The following LRP1B variants were observed in gnomAD, a reference collection of about 807,000 sequenced individuals.
The protein encoded by LRP1B is LDL receptor related protein 1B.
Under a neutral mutation model 556.6 loss-of-function variants are expected in LRP1B, and 217 were observed. That is an observed-to-expected ratio of 0.39 (90% confidence interval 0.35 to 0.44). The LOEUF is 0.44. LRP1B is among the 20% of genes least tolerant of loss of function. LRP1B has a pLI of 1.00. For missense variants in LRP1B, 5,053 were observed against 5,620.8 expected, an observed-to-expected ratio of 0.90 and a Z score of 3.23; for synonymous variants, 2,047 against 1,865.8, an observed-to-expected ratio of 1.10 and a Z score of -2.50.
At chr2:141,465,403 C>T (rs4456644) in intron 3 of LRP1B, among the ~76,000 whole-genome samples, 49,923 of 152,006 alleles carry the variant, frequency 0.33, 8,900 homozygotes, top group Non-Finnish European at 0.4. Context: ...ATGGCTACAT[C>T]AGTATCTTCT....
At chr2:141,911,089 C>G (rs1199810428) in intron 1 of LRP1B, among the ~76,000 whole-genome samples, 3 of 151,894 alleles carry the variant, frequency 2.0e-5, no homozygotes, top group Non-Finnish European at 4.4e-5. Flanking sequence ...ACTCAAAATA[C>G]AGTTTTAAGG....
chr2:140,340,724 A>C (rs2105095539), intron 77 of LRP1B, among the ~76,000 whole-genome samples: 1 of 151,560 alleles, frequency 6.6e-6, no homozygotes, highest in Middle Eastern at 3.4e-3. Context: ...ACATATCCAA[A>C]GTTTTGTTTT....
intron 12 of LRP1B, among the ~76,000 whole-genome samples, chr2:141,018,177 CT>C (rs1163968066): frequency 6.6e-6 from 1 of 152,126 alleles, no homozygotes; most frequent in African/African-American, 2.4e-5. Context: ...ATCTGGCCTT[CT>C]GCTAATATAG....
chr2:140,303,632 C>A (rs1683935940), intron 83 of LRP1B, among the ~76,000 whole-genome samples: 1 of 152,014 alleles, frequency 6.6e-6, no homozygotes, highest in South Asian at 2.1e-4. Flanking sequence ...AATCACTAAT[C>A]TTCTATAAAA....
intron 66 of LRP1B, among the ~76,000 whole-genome samples, chr2:140,418,810 T>C (rs1685308954): frequency 1.3e-5 from 2 of 152,216 alleles, no homozygotes; most frequent in Non-Finnish European, 2.9e-5. Flanking sequence ...TAATGTGGCT[T>C]GAATCATCCC....
chr2:142,095,697 A>C (rs1199951031), intron 1 of LRP1B, among the ~76,000 whole-genome samples: 1 of 151,746 alleles, frequency 6.6e-6, no homozygotes, highest in Non-Finnish European at 1.5e-5. Context: ...ACCTTTTTCA[A>C]CATGTATTTT....
chr2:140,795,565 C>T (rs950007904), intron 32 of LRP1B, among the ~76,000 whole-genome samples: 15 of 151,984 alleles, frequency 9.9e-5, no homozygotes, highest in East Asian at 3.8e-4. Context: ...TATCAGATAA[C>T]GCTGATACTG....
At chr2:141,623,905 C>T (rs536280550) in intron 2 of LRP1B, among the ~76,000 whole-genome samples, 1 of 150,690 alleles carries the variant, frequency 6.6e-6, no homozygotes, top group Non-Finnish European at 1.5e-5. Context: ...ATCCCAGCTA[C>T]TCGGGAGGCT....
intron 23 of LRP1B, among the ~76,000 whole-genome samples, chr2:140,887,077 A>T (rs936516349): frequency 6.6e-6 from 1 of 152,196 alleles, no homozygotes; most frequent in African/African-American, 2.4e-5. Context: ...TGTGAGACAT[A>T]CTGATGTATA....
intron 2 of LRP1B, among the ~76,000 whole-genome samples, chr2:141,572,480 C>T (rs1009621928): frequency 1.3e-5 from 2 of 152,010 alleles, no homozygotes; most frequent in Non-Finnish European, 2.9e-5. Flanking sequence ...AAAAACACAC[C>T]AAAATATAAA....
chr2:141,112,086 T>TAAATA (rs1218241433), intron 7 of LRP1B, among the ~76,000 whole-genome samples: 5 of 150,750 alleles, frequency 3.3e-5, no homozygotes, highest in Non-Finnish European at 5.9e-5. Flanking sequence ...AATAAATAAA[T>TAAATA]AAATAAATAA....
chr2:141,264,955 A>G (rs919510858), intron 3 of LRP1B, among the ~76,000 whole-genome samples: 14 of 152,148 alleles, frequency 9.2e-5, no homozygotes, highest in African/African-American at 3.1e-4. Context: ...GGAGCCCCAG[A>G]TATCACTGGA....
chr2:141,494,449 T>A (rs1049095811), intron 2 of LRP1B, among the ~76,000 whole-genome samples: 2 of 151,950 alleles, frequency 1.3e-5, no homozygotes, highest in Non-Finnish European at 2.9e-5. Flanking sequence ...AGCCAGATTA[T>A]CCCTAGGAAA....
At chr2:141,954,060 G>T (rs1330073073) in intron 1 of LRP1B, among the ~76,000 whole-genome samples, 1 of 151,910 alleles carries the variant, frequency 6.6e-6, no homozygotes, top group Non-Finnish European at 1.5e-5. Context: ...CTCTCTCTCG[G>T]CACAAGCAAT....
chr2:141,464,372 T>A (rs1682077139), intron 3 of LRP1B, among the ~76,000 whole-genome samples: 1 of 151,846 alleles, frequency 6.6e-6, no homozygotes, highest in African/African-American at 2.4e-5. Context: ...TTGGAATGTG[T>A]ATTGGATATA....
At chr2:142,100,983 G>T (rs748841646) in intron 1 of LRP1B, among the ~76,000 whole-genome samples, 33 of 151,886 alleles carry the variant, frequency 2.2e-4, no homozygotes, top group Admixed American at 7.2e-4. Flanking sequence ...GGAAAGAGGA[G>T]TTCTCAATCA....
At chr2:141,005,166 AT>A (rs1697534849) in intron 15 of LRP1B, among the ~76,000 whole-genome samples, 168 bp downstream of exon 15, 1 of 152,018 alleles carries the variant, frequency 6.6e-6, no homozygotes, top group African/African-American at 2.4e-5. Flanking sequence ...ATATTCATCT[AT>A]ATATTCAAAA....
At chr2:140,740,974 A>G (rs1448221489) in intron 35 of LRP1B, among the ~76,000 whole-genome samples, 1 of 152,148 alleles carries the variant, frequency 6.6e-6, no homozygotes, top group African/African-American at 2.4e-5. Flanking sequence ...ATTTTGAGGG[A>G]CACCACTCAG....
At chr2:141,188,914 C>G (rs1681377816) in intron 6 of LRP1B, among the ~76,000 whole-genome samples, 1 of 151,808 alleles carries the variant, frequency 6.6e-6, no homozygotes, top group African/African-American at 2.4e-5. Context: ...ATGGAATGAA[C>G]AGAACTGATT....
Sources: allele counts gnomAD v4.1 joint callset (sites outside exome capture counted in the v4.1 genomes callset), GRCh38; gene constraint gnomAD v4.1.1; transcripts MANE v1.5; gene names NCBI Gene and HGNC (gene_info 2026-07-23, HGNC 2026-07-21).